Variants in UPF2 observed in about 807,000 individuals in gnomAD.
The protein encoded by UPF2 is UPF2 regulator of nonsense mediated mRNA decay.
UPF2 carries 17 observed loss-of-function variants against 141.4 expected under a neutral mutation model. The observed-to-expected ratio is 0.12, with a 90% CI of 0.08 to 0.18. UPF2 has a LOEUF of 0.18. UPF2 is among the 10% of genes least tolerant of loss of function. UPF2 has a pLI of 1.00. For missense variants in UPF2, 1,152 were observed against 1,515.9 expected (o/e 0.76, Z 3.99); for synonymous variants, 540 against 498.0 (o/e 1.08, Z -1.12).
intron 17 of UPF2, 65 bp downstream of exon 17, chr10:11,942,999 C>T (rs1832955041): frequency 1.6e-6 from 2 of 1,214,200 alleles, no homozygotes; most frequent in Non-Finnish European, 2.4e-6. Context: ...AGTTTCGTGA[C>T]TAAAATTCAA....
chr10:11,963,450 C>T lies in UPF2; in HGVS notation c.2184+559G>A, dbSNP rs543632635. On this transcript the variant is annotated intron_variant, in intron 11 of 21. Coordinates refer to ENST00000357604, the MANE Select transcript of UPF2 (RefSeq NM_015542.4). Reference sequence around the variant, plus strand: ...CTCCCAAGTTCCAGAGATCCTCCCACCTCAGCCTTCTGAGTAGTTGGGACT... The same window carrying T: ...CTCCCAAGTTCCAGAGATCCTCCCATCTCAGCCTTCTGAGTAGTTGGGACT... Among the ~76,000 whole-genome samples, 8 of 152,248 alleles carry T rather than the reference C, an allele frequency of 5.3e-5. No homozygotes were observed. In the South Asian group the frequency reaches 1.7e-3, roughly 32 times the overall value.
rs763305424 is a variant in UPF2 at position 11,929,999 on chromosome 10, C to CA, written c.3689-15dup. 2 of 1,606,312 alleles carry CA rather than the reference C, an allele frequency of 1.2e-6. No homozygotes were observed. Among genetic ancestry groups the CA allele is most frequent in the Non-Finnish European group, 1.7e-6 (2 of 1,177,880 alleles). ...ACTGCAACATTTCTGTAATTAGGAG[C>CA]AAAAAAAGAGAATGCTGTTAACTCT... is the stretch of plus-strand genomic sequence containing the variant. On this transcript the variant is annotated splice_polypyrimidine_tract_variant and intron_variant, in intron 20 of 21. Coordinates refer to ENST00000357604, the MANE Select transcript of UPF2 (RefSeq NM_015542.4).
At chr10:11,922,061 C>A (rs1366118497) in intron 21 of UPF2, among the ~76,000 whole-genome samples, 1 of 152,028 alleles carries the variant, frequency 6.6e-6, no homozygotes, top group Non-Finnish European at 1.5e-5. Flanking sequence ...GAAAAGGCCA[C>A]GTGAAGACAA....
chr10:12,026,638 C>T (rs1170380093), intron 3 of UPF2: 2 of 450,578 alleles, frequency 4.4e-6, no homozygotes, highest in Non-Finnish European at 8.8e-6. Flanking sequence ...ACTGAAAATT[C>T]CTATAAACTT....
intron 8 of UPF2, among the ~76,000 whole-genome samples, chr10:11,983,896 T>C (rs1833641840): frequency 6.6e-6 from 1 of 152,134 alleles, no homozygotes; most frequent in African/African-American, 2.4e-5. Context: ...AGCTTCCTAG[T>C]TTTATTCTAT....
rs1043904486 is a variant in UPF2, at chr10:12,019,051, T to G, written c.1146-4867A>C. On this transcript the variant is annotated intron_variant, in intron 3 of 21. Transcript: ENST00000357604. The surrounding 1 kb of genome is among the most constrained non-coding windows in gnomAD (Gnocchi z 4.5). Reference sequence around the variant, plus strand: ...ACTGAAAATATAACCAAAATCAAGCTGAAAATATGATTTCATCACATATTT... The same window carrying G: ...ACTGAAAATATAACCAAAATCAAGCGGAAAATATGATTTCATCACATATTT... Among the ~76,000 whole-genome samples the G allele has an allele frequency of 6.6e-6, 1 of 152,164 alleles. No individual in the cohort carries two copies. The highest frequency in any genetic ancestry group is 1.5e-5 in the Non-Finnish European group (1 of 68,028).
At chr10:12,026,859 G>A (rs1834428699) in intron 3 of UPF2, among the ~76,000 whole-genome samples, 1 of 151,916 alleles carries the variant, frequency 6.6e-6, no homozygotes, top group Admixed American at 6.6e-5. Flanking sequence ...CACCATGTTG[G>A]CCAGGCTGGT....
chr10:11,955,471 T>C lies in UPF2; in HGVS notation c.2611A>G (p.Ser871Gly), dbSNP rs1187875818. 1 of 1,613,476 alleles carries C rather than the reference T, an allele frequency of 6.2e-7. No individual in the cohort carries two copies. ...TAAAGTTCTCCTAAGAACTTGGCAC[T>C]GCTGATGCGCCTCTGATTAAATTTA... ...QPKFNQRRIS[S>G]AKFLGELYNY... Residue 871 changes from serine (S) to glycine (G), a missense_variant, in exon 14 of 22, where the codon AGT (serine) becomes GGT (glycine). Physicochemically the swap from Ser to Gly is moderately conservative, Grantham distance 56 (BLOSUM62 0). Transcript: ENST00000357604.
chr10:11,978,907 A>T, intron 9 of UPF2, 150 bp downstream of exon 9: 1 of 634,310 alleles, frequency 1.6e-6, no homozygotes, highest in Non-Finnish European at 2.6e-6. Flanking sequence ...TAAGTAAATC[A>T]CATTTCAAAA....
chr10:12,031,173 CAA>C (rs1230080718), intron 2 of UPF2, among the ~76,000 whole-genome samples: 1 of 29,892 alleles, frequency 3.3e-5, no homozygotes. Context: ...GACTCCATCT[CAA>C]AAAAAAAAAA....
chr10:12,035,740 A>AAAAAAGACGAAGAAAAGG, intron 1 of UPF2: 2 of 213,920 alleles, frequency 9.3e-6, no homozygotes. Flanking sequence ...CATCACTCAG[A>AAAAAAGACGAAGAAAAGG]TTCAGCCACT....
chr10:11,973,599 A>G (rs1263631967), intron 9 of UPF2, among the ~76,000 whole-genome samples: 1 of 152,224 alleles, frequency 6.6e-6, no homozygotes, highest in Non-Finnish European at 1.5e-5. Context: ...AGCTTTCTAC[A>G]TATGGCTAGC....
At position 12,019,348 on chromosome 10, in the gene UPF2, C is replaced by T. The variant is rs1274624552; in HGVS notation, c.1146-5164G>A. On this transcript the variant is annotated intron_variant, in intron 3 of 21. Transcript: ENST00000357604. This position sits in a 1 kb window ranked among gnomAD's most constrained non-coding sequence, Gnocchi z 4.5. ...TGAAATTTGAACTTCAAATCATTTT[C>T]ATGCTTCCCAAAACATTCTACTTTT... 6.6e-6 allele frequency among the ~76,000 whole-genome samples: 1 copy of T among 152,244 alleles called. No homozygotes were observed.
chr10:11,985,690 C>T (rs1833678575), intron 8 of UPF2, among the ~76,000 whole-genome samples: 3 of 150,968 alleles, frequency 2.0e-5, no homozygotes, highest in Admixed American at 1.3e-4. Context: ...CCAAAGGGCA[C>T]ACAAGCTCAA....
intron 16 of UPF2, among the ~76,000 whole-genome samples, chr10:11,947,806 A>G (rs1240279113): frequency 6.6e-6 from 1 of 151,718 alleles, no homozygotes; most frequent in Admixed American, 6.6e-5. Flanking sequence ...AAAAAAAAAA[A>G]AAAGACATGT....
chr10:11,980,802 GA>G lies in UPF2; in HGVS notation c.1845-1638del, dbSNP rs755081379. On this transcript the variant is annotated intron_variant, in intron 8 of 21. Coordinates refer to ENST00000357604, the MANE Select transcript of UPF2 (RefSeq NM_015542.4). The surrounding 1 kb of genome is among the most constrained non-coding windows in gnomAD (Gnocchi z 4.2). ...TATATGAAAATGTTTGATGGTCAGG[GA>G]AAAAAACACATAATTCGATCTGGAA... is the stretch of plus-strand genomic sequence containing the variant. Among the ~76,000 whole-genome samples, 14 of 152,026 alleles carry G rather than the reference GA, an allele frequency of 9.2e-5. No individual in the cohort carries two copies. The highest frequency in any genetic ancestry group is 1.8e-4 in the Non-Finnish European group (12 of 68,006).
Position 11,959,456 on chromosome 10 carries a change from T to C in UPF2, c.2185-100A>G. 1.5e-6 allele frequency: 2 copies of C among 1,332,126 alleles called. No individual in the cohort carries two copies. The highest frequency in any genetic ancestry group is 1.6e-5 in the South Asian group (1 of 62,378). 82.5% of individuals were successfully genotyped at this position (1,332,126 alleles called of 1,614,324 possible). On this transcript the variant is annotated intron_variant, in intron 11 of 21. Coordinates refer to ENST00000357604, the MANE Select transcript of UPF2 (RefSeq NM_015542.4). This position sits in a 1 kb window ranked among gnomAD's most constrained non-coding sequence, Gnocchi z 5.9. ...TCAGTGATTTGCTATTTCAAAGTAA[T>C]GGGTTAGAAAGGCAAAGAAAGGACT...
At chr10:11,930,562 A>T (rs60840063) in intron 20 of UPF2, among the ~76,000 whole-genome samples, 329 of 152,282 alleles carry the variant, frequency 2.2e-3, no homozygotes, top group African/African-American at 7.6e-3. Context: ...GGACTGCTCA[A>T]GCTCAGGAGT....
chr10:12,040,595 T>C (rs972751329), intron 1 of UPF2, among the ~76,000 whole-genome samples: 2 of 149,806 alleles, frequency 1.3e-5, no homozygotes, highest in Non-Finnish European at 3.0e-5. Context: ...TAAATTTCCG[T>C]AAACAAAAAA....
Sources: gnomAD v4.1 joint callset for allele counts (sites outside exome capture counted in the v4.1 genomes callset) on GRCh38, gnomAD v4.1.1 for gene constraint, Gnocchi (gnomAD v3.1) non-coding constraint, MANE v1.5 for transcripts, NCBI Gene and HGNC (gene_info 2026-07-23, HGNC 2026-07-21) for gene names.